The following CADPS2 variants were observed in gnomAD, a reference collection of about 807,000 sequenced individuals.
CADPS2 encodes calcium dependent secretion activator 2.
A neutral mutation model predicts 172.5 loss-of-function variants in CADPS2; 93 were observed. That is an observed-to-expected ratio of 0.54 (90% CI 0.46 to 0.64). The LOEUF (loss-of-function observed/expected upper bound fraction) is 0.64, where lower values mean the gene tolerates loss of function less well. Among genes scored for constraint, CADPS2 ranks in the 30% least tolerant of loss-of-function variants. The pLI is 0.00. For synonymous variants in CADPS2, 546 were observed against 555.2 expected, an observed-to-expected ratio of 0.98 and a Z score of 0.23; for missense variants, 1,420 against 1,565.9, an observed-to-expected ratio of 0.91 and a Z score of 1.57.
chr7:122,517,525 G>C (rs958230997), intron 8 of CADPS2, among the ~76,000 whole-genome samples: 4 of 151,958 alleles, frequency 2.6e-5, no homozygotes, highest in Non-Finnish European at 5.9e-5. Context: ...ATCAGCAAAT[G>C]TATAAAGGTA....
At chr7:122,850,321 A>C in intron 1 of CADPS2, 1 of 473,840 alleles carries the variant, frequency 2.1e-6, no homozygotes. Flanking sequence ...CCTCCAATGC[A>C]GACATGGACT....
At chr7:122,688,549 TAG>T (rs2083917188) in intron 2 of CADPS2, among the ~76,000 whole-genome samples, 1 of 152,200 alleles carries the variant, frequency 6.6e-6, no homozygotes, top group South Asian at 2.1e-4. Context: ...GCACCTCTCT[TAG>T]AGTGTCCGCT....
In CADPS2 at chr7:122,837,086, C is replaced by A. The variant is rs183682641; in HGVS notation, c.339+48913G>T. On this transcript the variant is annotated intron_variant, in intron 1 of 29. Coordinates refer to ENST00000449022, the MANE Select transcript of CADPS2 (RefSeq NM_017954.11). ...AAATTATAACAAACTGTCTCTCAGA[C>A]CACAGTGCAATCAAACTAGAACTCA... Among the ~76,000 whole-genome samples, 1,163 of 152,272 alleles carry A rather than the reference C, an allele frequency of 7.6e-3. 18 individuals are homozygous for A. Among genetic ancestry groups the A allele is most frequent in the African/African-American group, 0.026 (1,081 of 41,548 alleles).
intron 2 of CADPS2, among the ~76,000 whole-genome samples, chr7:122,695,470 G>C (rs1448381788): frequency 2.0e-5 from 3 of 152,142 alleles, no homozygotes. Flanking sequence ...GTTCTATTTA[G>C]TAAACCCAGA....
chr7:122,605,777 T>C (rs2073441805), intron 6 of CADPS2, among the ~76,000 whole-genome samples: 1 of 152,124 alleles, frequency 6.6e-6, no homozygotes, highest in African/African-American at 2.4e-5. Flanking sequence ...ATACATATAA[T>C]AAATAAATAC....
chr7:122,743,892 G>A (rs974217969), intron 1 of CADPS2, among the ~76,000 whole-genome samples: 1 of 152,124 alleles, frequency 6.6e-6, no homozygotes. Context: ...CAGAAAAATA[G>A]GGGGTTCCAG....
chr7:122,610,042 C>T (rs1378128170), intron 6 of CADPS2, among the ~76,000 whole-genome samples: 1 of 151,850 alleles, frequency 6.6e-6, no homozygotes, highest in South Asian at 2.1e-4. Flanking sequence ...AAATACAAAT[C>T]TCTTAATTTA....
At chr7:122,792,136 CCA>C (rs1795427078) in intron 1 of CADPS2, among the ~76,000 whole-genome samples, 1 of 152,152 alleles carries the variant, frequency 6.6e-6, no homozygotes, top group African/African-American at 2.4e-5. Flanking sequence ...ACAGAGGATA[CCA>C]CAGTTATTCT....
chr7:122,356,678 A>G (rs889694278), intron 27 of CADPS2, among the ~76,000 whole-genome samples: 2 of 152,180 alleles, frequency 1.3e-5, no homozygotes, highest in African/African-American at 4.8e-5. Context: ...TTGTATCAGT[A>G]TGGACCAATG....
chr7:122,671,437 C>T (rs988007488), intron 2 of CADPS2, among the ~76,000 whole-genome samples: 1 of 152,172 alleles, frequency 6.6e-6, no homozygotes, highest in African/African-American at 2.4e-5. Flanking sequence ...AATAACATCA[C>T]AGAGGAAAGG....
intron 3 of CADPS2, among the ~76,000 whole-genome samples, chr7:122,633,585 G>A (rs1246739766): frequency 3.9e-5 from 6 of 152,108 alleles, no homozygotes; most frequent in Non-Finnish European, 8.8e-5. Context: ...ATCAGTTCGA[G>A]AAGCTTTTTG....
chr7:122,543,680 G>A (rs2063328762), intron 8 of CADPS2, among the ~76,000 whole-genome samples: 1 of 152,110 alleles, frequency 6.6e-6, no homozygotes. Context: ...GGATTCCCAA[G>A]TCAGTCTGTG....
Position 122,364,587 on chromosome 7 carries a change from T to C in CADPS2, c.3388-3574A>G, listed in dbSNP as rs2040607628. On this transcript the variant is annotated intron_variant, in intron 25 of 29. Transcript: ENST00000449022. ...TAAAAATACAAAAAAGTTAGCTGGG[T>C]GTGGTGGCAGGTGCCTATAGTCTCA... Among the ~76,000 whole-genome samples, 2 of 150,880 alleles carry C rather than the reference T, an allele frequency of 1.3e-5. 1 individual carries two copies. Among genetic ancestry groups the C allele is most frequent in the Admixed American group, 1.3e-4 (2 of 15,158 alleles).
At chr7:122,637,055 T>C (rs1469269117) in intron 3 of CADPS2, among the ~76,000 whole-genome samples, 1 of 151,950 alleles carries the variant, frequency 6.6e-6, no homozygotes, top group Non-Finnish European at 1.5e-5. Flanking sequence ...TGTTTATTTA[T>C]TTTTTTCTTT....
intron 3 of CADPS2, among the ~76,000 whole-genome samples, chr7:122,648,803 C>T (rs143441880): frequency 1.7e-3 from 254 of 152,210 alleles, no homozygotes; most frequent in Admixed American, 3.9e-3. Flanking sequence ...AAAACAGTCT[C>T]GTAGATGAAG....
chr7:122,467,835 T>G, intron 14 of CADPS2, among the ~76,000 whole-genome samples: 1 of 152,338 alleles, frequency 6.6e-6, no homozygotes, highest in Non-Finnish European at 1.5e-5. Flanking sequence ...TCTTTTCTCC[T>G]TCCTGTCAGT....
chr7:122,700,932 A>C (rs1381922731), intron 2 of CADPS2, among the ~76,000 whole-genome samples: 1 of 152,150 alleles, frequency 6.6e-6, no homozygotes, highest in African/African-American at 2.4e-5. Context: ...TAAAATAATT[A>C]TTTAGAACAC....
At chr7:122,592,332 GA>G (rs1423516348) in intron 6 of CADPS2, among the ~76,000 whole-genome samples, 1 of 152,124 alleles carries the variant, frequency 6.6e-6, no homozygotes, top group East Asian at 1.9e-4. Flanking sequence ...AAAAAGTCAG[GA>G]AACAACAGGT....
intron 2 of CADPS2, among the ~76,000 whole-genome samples, chr7:122,681,023 G>GC (rs2082968731): frequency 1.3e-5 from 2 of 150,336 alleles, no homozygotes; most frequent in African/African-American, 2.4e-5. Flanking sequence ...GTAAACTATC[G>GC]CAAGAACAAA....
Sources: allele counts gnomAD v4.1 joint callset (sites outside exome capture counted in the v4.1 genomes callset), GRCh38; gene constraint gnomAD v4.1.1; transcripts MANE v1.5; gene names NCBI Gene and HGNC (gene_info 2026-07-23, HGNC 2026-07-21).